The following KALRN variants were observed in gnomAD, a reference collection of about 807,000 sequenced individuals.
KALRN encodes the protein kalirin RhoGEF kinase.
In KALRN, 70 loss-of-function variants were observed where a neutral mutation model predicts 353.7. That is an observed-to-expected ratio of 0.20 (90% CI 0.16 to 0.24). KALRN has a LOEUF of 0.24. Ranked by LOEUF, KALRN falls within the 10% of genes least tolerant of loss-of-function variation. KALRN has a pLI of 1.00. For missense variants in KALRN, 2,791 were observed against 3,756.7 expected (o/e 0.74, Z 6.72); for synonymous variants, 1,391 against 1,434.8 (o/e 0.97, Z 0.69).
chr3:124,683,989 A>C (rs1385839531), intron 51 of KALRN, among the ~76,000 whole-genome samples: 2 of 152,224 alleles, frequency 1.3e-5, no homozygotes, highest in Admixed American at 6.5e-5. Context: ...TTACCATTTT[A>C]ACCATTTTTG....
intron 33 of KALRN, among the ~76,000 whole-genome samples, chr3:124,551,956 G>T (rs1308404121): frequency 2.0e-5 from 3 of 152,136 alleles, no homozygotes; most frequent in African/African-American, 7.2e-5. Context: ...CTATTAGGAT[G>T]CAATCTTTAG....
At chr3:124,368,146 C>A (rs1263797239) in intron 10 of KALRN, among the ~76,000 whole-genome samples, 2 of 86,150 alleles carry the variant, frequency 2.3e-5, no homozygotes, top group Admixed American at 1.1e-4. Context: ...GGGGCTGACC[C>A]CCCCCACCTC....
chr3:124,248,302 A>G lies in KALRN; in HGVS notation c.263+13359A>G, dbSNP rs775635757. Among the ~76,000 whole-genome samples, 16 of 152,336 alleles carry G rather than the reference A, an allele frequency of 1.1e-4. No individual in the cohort carries two copies. The Middle Eastern group carries it at 0.024, about 227-fold the overall frequency. On this transcript the variant is annotated intron_variant, in intron 3 of 59. Coordinates refer to ENST00000682506, the MANE Select transcript of KALRN (RefSeq NM_001388419.1). Reference sequence around the variant, plus strand: ...CAATGCCGGGATCTCTATTTCAGACATGAAGTACCTGAGGCCAGACTGAGG... The same window carrying G: ...CAATGCCGGGATCTCTATTTCAGACGTGAAGTACCTGAGGCCAGACTGAGG...
chr3:124,067,345 A>G (rs1002143166), intron 1 of KALRN, among the ~76,000 whole-genome samples: 1 of 144,710 alleles, frequency 6.9e-6, no homozygotes, highest in Non-Finnish European at 1.5e-5. Context: ...GTGATGGGGA[A>G]TTACTCTGAT....
intron 1 of KALRN, among the ~76,000 whole-genome samples, chr3:124,052,429 C>T (rs1255499800): frequency 1.3e-5 from 2 of 152,062 alleles, no homozygotes; most frequent in Non-Finnish European, 2.9e-5. Flanking sequence ...TTTCTTCTGG[C>T]TCTTCCAAGG....
At chr3:124,297,212 A>G (rs564043355) in intron 5 of KALRN, among the ~76,000 whole-genome samples, 2 of 152,366 alleles carry the variant, frequency 1.3e-5, no homozygotes, top group South Asian at 4.1e-4. Context: ...TTCAAGGGAC[A>G]TAATTGGATA....
chr3:124,444,410 A>G (rs941435661), intron 19 of KALRN, among the ~76,000 whole-genome samples: 2 of 152,252 alleles, frequency 1.3e-5, no homozygotes, highest in African/African-American at 2.4e-5. Flanking sequence ...TAAGCCAGAG[A>G]TCAGTTGGGG....
At chr3:124,143,877 T>A (rs182922373) in intron 1 of KALRN, among the ~76,000 whole-genome samples, 117 of 152,212 alleles carry the variant, frequency 7.7e-4, no homozygotes, top group Non-Finnish European at 1.3e-3. Context: ...TAAATAAATT[T>A]TAAAAAAGCC....
chr3:124,686,252 C>A (rs2061552514), intron 51 of KALRN, among the ~76,000 whole-genome samples: 1 of 152,216 alleles, frequency 6.6e-6, no homozygotes, highest in Admixed American at 6.5e-5. Context: ...ATAATAGTAG[C>A]TACTACTTAG....
intron 1 of KALRN, among the ~76,000 whole-genome samples, chr3:124,126,204 T>TA (rs775887226): frequency 3.3e-5 from 5 of 151,396 alleles, no homozygotes; most frequent in East Asian, 1.9e-4. Context: ...TTTTCTCTAT[T>TA]AAAAAAAAAT....
At chr3:124,197,924 A>C (rs988771612) in intron 1 of KALRN, among the ~76,000 whole-genome samples, 1 of 152,078 alleles carries the variant, frequency 6.6e-6, no homozygotes, top group Non-Finnish European at 1.5e-5. Context: ...AATGCTACCC[A>C]CAGCTCTCTT....
At chr3:124,710,662 G>A (rs931431333) in intron 57 of KALRN, among the ~76,000 whole-genome samples, 16 of 152,090 alleles carry the variant, frequency 1.1e-4, no homozygotes, top group African/African-American at 3.4e-4. Context: ...GGTGGTACAC[G>A]CCTATAGTCC....
At chr3:124,423,052 T>C in intron 15 of KALRN, 74 bp downstream of exon 15, 1 of 1,484,222 alleles carries the variant, frequency 6.7e-7, no homozygotes, top group Non-Finnish European at 9.3e-7. Flanking sequence ...GCTCCTGGTA[T>C]GAGGTAAGGC....
At chr3:124,518,148 C>T (rs560623180) in intron 33 of KALRN, among the ~76,000 whole-genome samples, 7 of 152,280 alleles carry the variant, frequency 4.6e-5, no homozygotes, top group African/African-American at 1.7e-4. Flanking sequence ...CAGTGATCCT[C>T]CTCTGGATTG....
At chr3:124,176,654 T>C (rs2072807547) in intron 1 of KALRN, among the ~76,000 whole-genome samples, 1 of 152,194 alleles carries the variant, frequency 6.6e-6, no homozygotes, top group African/African-American at 2.4e-5. Flanking sequence ...CTGTATCACC[T>C]TGTGTTTAAG....
chr3:124,501,564 G>C (rs1188040903), intron 33 of KALRN, among the ~76,000 whole-genome samples: 2 of 152,206 alleles, frequency 1.3e-5, no homozygotes, highest in Non-Finnish European at 2.9e-5. Flanking sequence ...GCCGTAGCAT[G>C]ACGCCAGTTA....
At chr3:124,235,368 G>A (rs1470684267) in intron 3 of KALRN, among the ~76,000 whole-genome samples, 1 of 152,118 alleles carries the variant, frequency 6.6e-6, no homozygotes, top group Non-Finnish European at 1.5e-5. Flanking sequence ...TTTTCACTGG[G>A]TAGGGTGATT....
chr3:124,180,415 G>C (rs2073412655), intron 1 of KALRN, among the ~76,000 whole-genome samples: 1 of 148,488 alleles, frequency 6.7e-6, no homozygotes, highest in African/African-American at 2.5e-5. Context: ...ATCAAGAAAG[G>C]TAGAATAAGC....
chr3:124,588,460 T>C (rs1400293827), intron 34 of KALRN, among the ~76,000 whole-genome samples: 1 of 152,234 alleles, frequency 6.6e-6, no homozygotes, highest in East Asian at 1.9e-4. Flanking sequence ...AGTCTCGCTC[T>C]GTCGCCCAGG....
Sources: allele counts gnomAD v4.1 joint callset (sites outside exome capture counted in the v4.1 genomes callset), GRCh38; gene constraint gnomAD v4.1.1; transcripts MANE v1.5; gene names NCBI Gene and HGNC (gene_info 2026-07-23, HGNC 2026-07-21).